SND1: variants seen among roughly 807,000 people sequenced by gnomAD.
The protein encoded by SND1 is staphylococcal nuclease domain-containing protein 1.
SND1 carries 38 observed loss-of-function variants against 121.7 expected under a neutral mutation model. The ratio of observed to expected loss-of-function variants is 0.31; its 90% CI spans 0.24 to 0.41. The LOEUF is 0.41. Ranked by LOEUF, SND1 falls within the 10% of genes least tolerant of loss-of-function variation. The pLI is 1.00. For missense variants in SND1, 868 were observed against 1,184.6 expected (o/e 0.73, Z 3.92); for synonymous variants, 401 against 447.4 (o/e 0.90, Z 1.31).
At chr7:127,883,372 CTAACAATATTGGAAG>C (rs1330938986) in intron 12 of SND1, among the ~76,000 whole-genome samples, 1 of 152,136 alleles carries the variant, frequency 6.6e-6, no homozygotes, top group Admixed American at 6.5e-5. Context: ...TTCCCTACCT[CTAACAATATTGGAAG>C]TAACAATATA....
intron 10 of SND1, among the ~76,000 whole-genome samples, chr7:127,749,336 T>G (rs1797041189): frequency 6.6e-6 from 1 of 152,202 alleles, no homozygotes; most frequent in African/African-American, 2.4e-5. Flanking sequence ...AAGATAGGCC[T>G]GGAAGGTAAC....
chr7:127,854,622 C>T (rs1191156871), intron 12 of SND1, among the ~76,000 whole-genome samples: 2 of 150,974 alleles, frequency 1.3e-5, no homozygotes, highest in South Asian at 2.1e-4. Flanking sequence ...AGGGGGCATT[C>T]GACATGGTTA....
At chr7:127,986,271 TAGTC>T (rs757198006) in intron 15 of SND1, among the ~76,000 whole-genome samples, 5 of 152,220 alleles carry the variant, frequency 3.3e-5, no homozygotes, top group Non-Finnish European at 7.3e-5. Flanking sequence ...TTGACCTAGT[TAGTC>T]AATGTCTCTA....
chr7:127,987,115 C>G (rs1802409511), intron 15 of SND1, among the ~76,000 whole-genome samples: 1 of 152,182 alleles, frequency 6.6e-6, no homozygotes, highest in African/African-American at 2.4e-5. Flanking sequence ...CAGGCACTTT[C>G]TCAACTGGCT....
chr7:127,905,910 C>T (rs932875298), intron 14 of SND1, among the ~76,000 whole-genome samples: 1 of 152,148 alleles, frequency 6.6e-6, no homozygotes, highest in African/African-American at 2.4e-5. Flanking sequence ...TAGAGCTCAG[C>T]CTAGGCTGCA....
rs183422279 is a variant in SND1 at position 127,756,824 on chromosome 7, G to A, written c.1152+35424G>A. The stretch of plus-strand genomic sequence containing the variant: ...ATTTGCACAACGGTACATATTTTAA[G>A]AATTTTCAGGTTCTCTTCCTAATAC... On this transcript the variant is annotated intron_variant, in intron 10 of 23. Coordinates refer to ENST00000354725, the MANE Select transcript of SND1 (RefSeq NM_014390.4). 4.9e-3 allele frequency among the ~76,000 whole-genome samples: 745 copies of A among 152,228 alleles called. 5 individuals carry two copies. The highest frequency in any genetic ancestry group is 0.017 in the African/African-American group (705 of 41,546).
At chr7:127,898,141 G>A (rs1258058438) in intron 13 of SND1, among the ~76,000 whole-genome samples, 1 of 151,980 alleles carries the variant, frequency 6.6e-6, no homozygotes, top group Non-Finnish European at 1.5e-5. Context: ...CCCCTTACCT[G>A]CCACTGTAGA....
chr7:128,052,889 A>G lies in SND1; in HGVS notation c.1780-21613A>G, dbSNP rs999234681. Among the ~76,000 whole-genome samples the G allele has an allele frequency of 2.0e-5, 3 of 152,228 alleles. No homozygotes were observed. The highest frequency in any genetic ancestry group is 7.2e-5 in the African/African-American group (3 of 41,462). ...CAATAGTCAGCCCTACCCTTCAGGGACTTCTAGTTTAGAGCTGGTACCTAC... is the reference window on the plus strand; with the variant it reads ...CAATAGTCAGCCCTACCCTTCAGGGGCTTCTAGTTTAGAGCTGGTACCTAC... On this transcript the variant is annotated intron_variant, in intron 16 of 23. Transcript: ENST00000354725. The surrounding 1 kb of genome is among the most constrained non-coding windows in gnomAD (Gnocchi z 4.6).
intron 1 of SND1, among the ~76,000 whole-genome samples, chr7:127,679,446 T>A (rs1034106083): frequency 1.3e-5 from 2 of 152,248 alleles, no homozygotes; most frequent in East Asian, 1.9e-4. Context: ...ATTTTTTTTT[T>A]AGATATAATT....
intron 15 of SND1, among the ~76,000 whole-genome samples, chr7:127,986,250 A>G (rs1802387575): frequency 6.6e-6 from 1 of 152,226 alleles, no homozygotes; most frequent in Non-Finnish European, 1.5e-5. Context: ...TGACCAGAGT[A>G]TTTGTGTTAA....
chr7:127,859,665 G>A (rs973102524), intron 12 of SND1, among the ~76,000 whole-genome samples: 11 of 152,132 alleles, frequency 7.2e-5, no homozygotes, highest in Admixed American at 2.6e-4. Flanking sequence ...CTCACCTGGA[G>A]CACTTACAAA....
At chr7:128,076,820 G>A (rs1031298559) in intron 17 of SND1, among the ~76,000 whole-genome samples, 3 of 152,218 alleles carry the variant, frequency 2.0e-5, no homozygotes, top group African/African-American at 7.2e-5. Flanking sequence ...ATTCGTGAGT[G>A]TGTCTGTCTG....
chr7:127,771,188 A>G (rs1465312065), intron 10 of SND1, among the ~76,000 whole-genome samples: 3 of 152,198 alleles, frequency 2.0e-5, no homozygotes, highest in South Asian at 4.1e-4. Context: ...GCCTCTGCCA[A>G]TTGCCTTCTG....
intron 15 of SND1, among the ~76,000 whole-genome samples, chr7:127,941,344 C>T (rs532005001): frequency 1.8e-3 from 275 of 152,258 alleles, no homozygotes; most frequent in African/African-American, 6.3e-3. Context: ...TTCAAGCTTT[C>T]TGGATTCCCT....
intron 14 of SND1, among the ~76,000 whole-genome samples, chr7:127,924,545 T>C (rs374550674): frequency 7.2e-5 from 11 of 152,184 alleles, no homozygotes; most frequent in African/African-American, 2.2e-4. Context: ...ATACATCTAG[T>C]GCACACCGAC....
chr7:127,693,198 G>A (rs1795951436), intron 2 of SND1, among the ~76,000 whole-genome samples: 1 of 152,172 alleles, frequency 6.6e-6, no homozygotes, highest in Non-Finnish European at 1.5e-5. Context: ...TTTCTGTGAT[G>A]TGGTTGATAA....
chr7:127,994,952 G>A (rs552257844), intron 16 of SND1, among the ~76,000 whole-genome samples: 4 of 152,044 alleles, frequency 2.6e-5, no homozygotes, highest in African/African-American at 7.2e-5. Context: ...TCGAACTCCT[G>A]ACCTTGTGAT....
chr7:127,847,454 A>G (rs1799086559), intron 12 of SND1, among the ~76,000 whole-genome samples: 1 of 152,212 alleles, frequency 6.6e-6, no homozygotes, highest in Admixed American at 6.5e-5. Flanking sequence ...AAAAAACACT[A>G]CATCTTAAAT....
In SND1 at chr7:128,076,332, C is replaced by T. The variant is rs111643814; in HGVS notation, c.1968+1642C>T. Among the ~76,000 whole-genome samples the T allele has an allele frequency of 5.3e-3, 813 of 152,296 alleles. 3 individuals carry two copies. The highest frequency in any genetic ancestry group is 8.7e-3 in the Non-Finnish European group (589 of 68,024). On this transcript the variant is annotated intron_variant, in intron 17 of 23. Coordinates refer to ENST00000354725, the MANE Select transcript of SND1 (RefSeq NM_014390.4). The stretch of plus-strand genomic sequence containing the variant: ...ACTTGATGACGCTGAGGAGTAATTA[C>T]CAGTGATTAATTACTTACACGGCCT...
Sources: gnomAD v4.1 joint callset for allele counts (sites outside exome capture counted in the v4.1 genomes callset) on GRCh38, gnomAD v4.1.1 for gene constraint, Gnocchi (gnomAD v3.1) non-coding constraint, MANE v1.5 for transcripts, NCBI Gene and HGNC (gene_info 2026-07-23, HGNC 2026-07-21) for gene names.